Variants in PCDHA9 observed in about 807,000 individuals in gnomAD.
The protein encoded by PCDHA9 is protocadherin alpha 9.
Under a neutral mutation model 62.0 loss-of-function variants are expected in PCDHA9, and 62 were observed. The ratio of observed to expected loss-of-function variants is 1.00; its 90% CI spans 0.81 to 1.23. The LOEUF (loss-of-function observed/expected upper bound fraction) is 1.23, where lower values mean the gene tolerates loss of function less well. Among genes scored for constraint, PCDHA9 ranks in the 50% most tolerant of loss-of-function variants. The pLI is 0.00. For missense variants in PCDHA9, 1,205 were observed against 1,249.8 expected (o/e 0.96, Z 0.54); for synonymous variants, 557 against 567.6 (o/e 0.98, Z 0.27).
chr5:140,917,154 T>C (rs1415714785), intron 1 of PCDHA9, among the ~76,000 whole-genome samples: 2 of 152,112 alleles, frequency 1.3e-5, no homozygotes, highest in East Asian at 1.9e-4. Flanking sequence ...TGCTGGGGGA[T>C]ATGGGAGGGG....
chr5:140,875,349 CTG>C, intron 1 of PCDHA9: 1 of 1,444,894 alleles, frequency 6.9e-7, no homozygotes, highest in Non-Finnish European at 9.1e-7. Context: ...TCCATAATGA[CTG>C]TGATGCTGGA....
rs1005130215 is a variant in PCDHA9 at position 140,976,643 on chromosome 5, A to G, written c.2395-2306A>G. On this transcript the variant is annotated intron_variant, in intron 1 of 3. Coordinates refer to ENST00000532602, the MANE Select transcript of PCDHA9 (RefSeq NM_031857.2). ...AGCTGAACTCAGCAATCAGACAAGT[A>G]ATTTAATCTCTCCAAAGTTCAGATG... Among the ~76,000 whole-genome samples the G allele has an allele frequency of 2.0e-5, 3 of 152,236 alleles. No homozygotes were observed. In the South Asian group the frequency reaches 6.2e-4, roughly 31 times the overall value.
chr5:140,869,779 G>A (rs1554163444), intron 1 of PCDHA9: 4 of 1,612,766 alleles, frequency 2.5e-6, no homozygotes, highest in Non-Finnish European at 3.4e-6. Flanking sequence ...TACTGGCACC[G>A]TTCGGCTGTT....
chr5:140,877,792 CCAAGCCTTCAGCT>C, intron 1 of PCDHA9: 1 of 1,614,004 alleles, frequency 6.2e-7, no homozygotes, highest in East Asian at 2.2e-5. Context: ...GGCCTTCAGC[CCAAGCCTTCAGCT>C]GTCTCGAGAA....
Position 140,967,485 on chromosome 5 carries a change from C to T in PCDHA9, c.2395-11464C>T, listed in dbSNP as rs781948599. 7 of 1,613,056 alleles carry T rather than the reference C, an allele frequency of 4.3e-6. No individual in the cohort carries two copies. The South Asian group carries it at 5.5e-5, about 13-fold the overall frequency. On this transcript the variant is annotated intron_variant, in intron 1 of 3. Coordinates refer to ENST00000532602, the MANE Select transcript of PCDHA9 (RefSeq NM_031857.2). ...GGGGGCATCCCAGCCCGCTCGGGTA[C>T]GGCACAGATCTCTGTGCGTGTCCTG...
chr5:140,935,894 C>CTTT lies in PCDHA9; in HGVS notation c.2395-43041_2395-43039dup, dbSNP rs55841305. Among the ~76,000 whole-genome samples, 1,154 of 136,734 alleles carry CTTT rather than the reference C, an allele frequency of 8.4e-3. 14 individuals carry two copies. Among genetic ancestry groups the CTTT allele is most frequent in the East Asian group, 0.025 (118 of 4,726 alleles). 89.7% of individuals were successfully genotyped at this position (136,734 alleles called of 152,430 possible). On this transcript the variant is annotated intron_variant, in intron 1 of 3. Coordinates refer to ENST00000532602, the MANE Select transcript of PCDHA9 (RefSeq NM_031857.2). ...ATGAGCTCCAATTTATCAATATTAT[C>CTTT]TTTTTTTTTTTTTTTTGAGACAGAT...
intron 1 of PCDHA9, chr5:140,927,058 C>T (rs376173105): frequency 1.2e-6 from 2 of 1,611,256 alleles, no homozygotes; most frequent in African/African-American, 1.3e-5. Flanking sequence ...GCGGAACTTT[C>T]GCTTCCTTTC....
chr5:140,888,753 A>G (rs1237459726), intron 1 of PCDHA9, among the ~76,000 whole-genome samples: 1 of 149,022 alleles, frequency 6.7e-6, no homozygotes, highest in Non-Finnish European at 1.5e-5. Flanking sequence ...TATTCTACCC[A>G]CTTTTTTTTT....
At chr5:140,984,083 A>C (rs2097086103) in intron 3 of PCDHA9, among the ~76,000 whole-genome samples, 1 of 152,226 alleles carries the variant, frequency 6.6e-6, no homozygotes, top group South Asian at 2.1e-4. Context: ...GATGGAGTGA[A>C]GAAATGATGG....
intron 3 of PCDHA9, among the ~76,000 whole-genome samples, chr5:140,989,801 G>A (rs1554251107): frequency 1.3e-5 from 2 of 152,184 alleles, no homozygotes; most frequent in Non-Finnish European, 1.5e-5. Context: ...CCCAGGAAAG[G>A]GCCATAAGAT....
chr5:140,971,392 T>C (rs1399891976), intron 1 of PCDHA9, among the ~76,000 whole-genome samples: 1 of 152,154 alleles, frequency 6.6e-6, no homozygotes, highest in East Asian at 1.9e-4. Flanking sequence ...TAAAGGCAAA[T>C]TTCTGCCAGG....
At chr5:140,871,804 T>C (rs538101432) in intron 1 of PCDHA9, among the ~76,000 whole-genome samples, 75 of 152,364 alleles carry the variant, frequency 4.9e-4, no homozygotes, top group Non-Finnish European at 7.9e-4. Flanking sequence ...ATTACTATTT[T>C]CACTAAAGTA....
At chr5:140,852,255 T>A (rs1554145733) in intron 1 of PCDHA9, 1 of 511,528 alleles carries the variant, frequency 2.0e-6, no homozygotes, top group Middle Eastern at 9.9e-4. Context: ...ACTTTTGGAA[T>A]ATGCTACAAT....
At chr5:140,941,317 CTCT>C (rs2093029316) in intron 1 of PCDHA9, among the ~76,000 whole-genome samples, 2 of 99,150 alleles carry the variant, frequency 2.0e-5, no homozygotes, top group Non-Finnish European at 4.2e-5. Flanking sequence ...TTTCTTCTTT[CTCT>C]TTTTTTTTTT....
intron 1 of PCDHA9, among the ~76,000 whole-genome samples, chr5:140,971,158 C>T (rs1554233066): frequency 6.6e-6 from 1 of 152,172 alleles, no homozygotes; most frequent in African/African-American, 2.4e-5. Context: ...AGGCCAGGCT[C>T]AGCTTTGCCA....
intron 1 of PCDHA9, chr5:140,876,605 A>G: frequency 1.2e-6 from 2 of 1,614,060 alleles, no homozygotes; most frequent in South Asian, 1.1e-5. Flanking sequence ...TCGGATCGTG[A>G]CTCTGGAGCC....
At chr5:140,968,464 C>T (rs1554230763) in intron 1 of PCDHA9, 4 of 1,613,996 alleles carry the variant, frequency 2.5e-6, no homozygotes, top group Admixed American at 1.7e-5. Flanking sequence ...TGACTGCCAA[C>T]GTATATGTGG....
At chr5:140,875,181 TAA>T (rs1554167538) in intron 1 of PCDHA9, 2 of 448,484 alleles carry the variant, frequency 4.5e-6, no homozygotes, top group East Asian at 4.2e-5. Flanking sequence ...ACATTAGAAT[TAA>T]GAGTGACCCA....
In PCDHA9 at chr5:141,010,204, C is replaced by G. The variant is rs1238256859; in HGVS notation, c.*267C>G. ...GACCCAAGTTTCCTTTCTCCTCCGC[C>G]GCAAAGGAGAGGCTTCCCAGCCCCG... On this transcript the variant is annotated 3_prime_UTR_variant, in exon 4 of 4. Transcript: ENST00000532602. 1.3e-5 allele frequency: 20 copies of G among 1,551,852 alleles called. No homozygotes were observed. Among genetic ancestry groups the G allele is most frequent in the Non-Finnish European group, 1.7e-5 (20 of 1,147,056 alleles).
Sources: gnomAD v4.1 joint callset for allele counts (sites outside exome capture counted in the v4.1 genomes callset) on GRCh38, gnomAD v4.1.1 for gene constraint, MANE v1.5 for transcripts, NCBI Gene and HGNC (gene_info 2026-07-23, HGNC 2026-07-21) for gene names.